HSD17B12: variants seen among roughly 807,000 people sequenced by gnomAD.
The protein encoded by HSD17B12 is hydroxysteroid 17-beta dehydrogenase 12, also known as very-long-chain 3-oxoacyl-CoA reductase.
Under a neutral mutation model 39.3 loss-of-function variants are expected in HSD17B12, and 32 were observed. That is an observed-to-expected ratio of 0.81 (90% CI 0.61 to 1.09). The LOEUF is 1.09. Among genes scored for constraint, HSD17B12 ranks in the 50% least tolerant of loss-of-function variants. HSD17B12 has a pLI of 0.00. For synonymous variants in HSD17B12, 150 were observed against 146.7 expected (o/e 1.02, Z -0.16); for missense variants, 342 against 382.9 (o/e 0.89, Z 0.89).
chr11:43,666,826 A>G, the HSD17B12 span, among the ~76,000 whole-genome samples: 1 of 152,370 alleles, frequency 6.6e-6, no homozygotes, highest in South Asian at 2.1e-4. Context: ...TAAACAGGGC[A>G]ACATGAGACG....
At chr11:43,647,806 A>G in the HSD17B12 span, among the ~76,000 whole-genome samples, 1 of 152,224 alleles carries the variant, frequency 6.6e-6, no homozygotes, top group Non-Finnish European at 1.5e-5. Context: ...ACAGGATAGT[A>G]AGGTTTCTGA....
chr11:43,615,616 T>C, the HSD17B12 span, among the ~76,000 whole-genome samples: 1 of 152,206 alleles, frequency 6.6e-6, no homozygotes, highest in African/African-American at 2.4e-5. Flanking sequence ...GTCAAGGTGA[T>C]TATGTGGCTG....
intron 4 of HSD17B12, among the ~76,000 whole-genome samples, chr11:43,800,848 G>A (rs1208499339): frequency 6.6e-6 from 1 of 151,832 alleles, no homozygotes; most frequent in Admixed American, 6.6e-5. Flanking sequence ...GAACAAGAAA[G>A]CTGTACTGGG....
intron 1 of HSD17B12, among the ~76,000 whole-genome samples, chr11:43,681,684 T>C (rs1590653968): frequency 6.6e-6 from 1 of 151,794 alleles, no homozygotes. Flanking sequence ...TTTTTTTTTT[T>C]TCACAAGGAC....
chr11:43,839,930 T>C, intron 8 of HSD17B12, 69 bp from the exon 9 acceptor site: 1 of 1,225,604 alleles, frequency 8.2e-7, no homozygotes, highest in South Asian at 1.2e-5. Flanking sequence ...TTATTTTGTT[T>C]CCATGGCTAC....
At chr11:43,706,556 G>T (rs1020782255) in intron 1 of HSD17B12, among the ~76,000 whole-genome samples, 5 of 152,068 alleles carry the variant, frequency 3.3e-5, no homozygotes, top group African/African-American at 9.7e-5. Flanking sequence ...ACAGAAAAAA[G>T]ACCTCAGTCT....
At chr11:43,841,614 G>A (rs1305543922) in intron 9 of HSD17B12, among the ~76,000 whole-genome samples, 2 of 152,180 alleles carry the variant, frequency 1.3e-5, no homozygotes, top group African/African-American at 4.8e-5. Context: ...AAATATGAGA[G>A]AAAGCAAATA....
intron 4 of HSD17B12, chr11:43,806,115 C>T (rs1190921565): frequency 6.6e-6 from 1 of 152,192 alleles, no homozygotes; most frequent in Non-Finnish European, 1.5e-5. Context: ...TGTTCATCCA[C>T]AAGGAAGCTC....
the HSD17B12 span, among the ~76,000 whole-genome samples, chr11:43,608,365 A>G: frequency 4.2e-5 from 4 of 96,350 alleles, no homozygotes; most frequent in South Asian, 1.0e-3. Flanking sequence ...TCTGTCTCAA[A>G]AAAAAAAAAA....
chr11:43,680,531 G>T (rs1949730879), upstream of HSD17B12: 1 of 434,718 alleles, frequency 2.3e-6, no homozygotes. Context: ...AGACCGGGGC[G>T]CCTCGGTGGG....
intron 1 of HSD17B12, among the ~76,000 whole-genome samples, chr11:43,714,556 A>G (rs1030700860): frequency 4.6e-5 from 7 of 152,196 alleles, no homozygotes; most frequent in South Asian, 2.1e-4. Context: ...GTCAGGTAGC[A>G]TGATGCCTCC....
At chr11:43,697,835 AG>A (rs1949926052) in intron 1 of HSD17B12, among the ~76,000 whole-genome samples, 1 of 152,210 alleles carries the variant, frequency 6.6e-6, no homozygotes, top group Admixed American at 6.6e-5. Context: ...AAATGTAGGC[AG>A]GGGGCCAGAT....
chr11:43,791,315 T>A (rs1179730816), intron 3 of HSD17B12, among the ~76,000 whole-genome samples: 1 of 152,150 alleles, frequency 6.6e-6, no homozygotes, highest in East Asian at 1.9e-4. Context: ...GCGGATCACC[T>A]GAGGTCAGGA....
the HSD17B12 span, chr11:43,559,885 G>C: frequency 6.4e-6 from 1 of 155,916 alleles, no homozygotes; most frequent in African/African-American, 2.4e-5. Context: ...CTAAGGGCAG[G>C]GGCAGAACTG....
At chr11:43,655,078 C>T in the HSD17B12 span, among the ~76,000 whole-genome samples, 2 of 152,174 alleles carry the variant, frequency 1.3e-5, no homozygotes, top group Non-Finnish European at 2.9e-5. Context: ...TCTTTTATTT[C>T]ACTGAGCAGT....
chr11:43,756,598 C>T (rs1950509876), intron 3 of HSD17B12, among the ~76,000 whole-genome samples: 1 of 152,112 alleles, frequency 6.6e-6, no homozygotes, highest in Non-Finnish European at 1.5e-5. Context: ...AATGCATCTA[C>T]TAGTTGCTAG....
At chr11:43,791,778 A>G (rs1370297301) in intron 3 of HSD17B12, among the ~76,000 whole-genome samples, 1 of 152,220 alleles carries the variant, frequency 6.6e-6, no homozygotes, top group African/African-American at 2.4e-5. Context: ...TTCACGCAGC[A>G]TAAGGTTTTT....
chr11:43,687,776 T>C (rs1949815297), intron 1 of HSD17B12, among the ~76,000 whole-genome samples: 1 of 152,266 alleles, frequency 6.6e-6, no homozygotes, highest in Non-Finnish European at 1.5e-5. Context: ...AGGGTAACAC[T>C]GTTGTGTTTG....
intron 2 of HSD17B12, among the ~76,000 whole-genome samples, chr11:43,753,386 T>A (rs1348953382): frequency 4.5e-3 from 1 of 220 alleles, no homozygotes; most frequent in East Asian, 0.12. Flanking sequence ...AGCAAAAACT[T>A]TTTTTTTTTT....
Sources: gnomAD v4.1 joint callset for allele counts (sites outside exome capture counted in the v4.1 genomes callset) on GRCh38, gnomAD v4.1.1 for gene constraint, MANE v1.5 for transcripts, NCBI Gene and HGNC (gene_info 2026-07-23, HGNC 2026-07-21) for gene names.